The following CACNA1C variants were observed in gnomAD, a reference collection of about 807,000 sequenced individuals.
CACNA1C encodes the protein calcium voltage-gated channel subunit alpha1 C, also known as voltage-dependent L-type calcium channel subunit alpha-1C.
Under a neutral mutation model 229.0 loss-of-function variants are expected in CACNA1C, and 30 were observed. The observed-to-expected ratio is 0.13, with a 90% CI of 0.10 to 0.18. The LOEUF is 0.18. Among genes scored for constraint, CACNA1C ranks in the 10% least tolerant of loss-of-function variants. The pLI is 1.00. For synonymous variants in CACNA1C, 1,114 were observed against 1,132.5 expected, an observed-to-expected ratio of 0.98 and a Z score of 0.33; for missense variants, 1,658 against 2,845.0, an observed-to-expected ratio of 0.58 and a Z score of 9.49.
intron 8 of CACNA1C, among the ~76,000 whole-genome samples, chr12:2,507,971 C>T (rs1267093855): frequency 6.6e-6 from 1 of 152,226 alleles, no homozygotes; most frequent in African/African-American, 2.4e-5. Context: ...CAGGCAGGCA[C>T]AGAAGCAATC....
chr12:2,467,780 A>G lies in CACNA1C; in HGVS notation c.757+10074A>G, dbSNP rs940184164. On this transcript the variant is annotated intron_variant, in intron 5 of 46. Transcript: ENST00000399655. The surrounding 1 kb of genome is among the most constrained non-coding windows in gnomAD (Gnocchi z 4.6). Reference sequence around the variant, plus strand: ...TGACTGCTGCATCCCCAGTTAAGCAACTCTCTTCCCGGCATCCTCCCAGGT... The same window carrying G: ...TGACTGCTGCATCCCCAGTTAAGCAGCTCTCTTCCCGGCATCCTCCCAGGT... 2.0e-5 allele frequency among the ~76,000 whole-genome samples: 3 copies of G among 151,710 alleles called. No individual in the cohort carries two copies. Among genetic ancestry groups the G allele is most frequent in the Non-Finnish European group, 4.4e-5 (3 of 67,886 alleles).
rs1036881742 is a variant in CACNA1C, at chr12:2,348,079, G to C, written c.478-100897G>C. 2.6e-5 allele frequency among the ~76,000 whole-genome samples: 4 copies of C among 152,242 alleles called. No homozygotes were observed. The highest frequency in any genetic ancestry group is 9.6e-5 in the African/African-American group (4 of 41,480). ...GGAAGCTTGTCCTAGAAACTGCAGTGAGGTGACTGTGCGGCAGGCCCACTC... is the reference window on the plus strand; with the variant it reads ...GGAAGCTTGTCCTAGAAACTGCAGTCAGGTGACTGTGCGGCAGGCCCACTC... On this transcript the variant is annotated intron_variant, in intron 3 of 46. Transcript: ENST00000399655. The surrounding 1 kb of genome is among the most constrained non-coding windows in gnomAD (Gnocchi z 4.7).
At position 2,649,593 on chromosome 12, in the gene CACNA1C, G is replaced by A. The variant is rs1047683459; in HGVS notation, c.3945+1086G>A. Among the ~76,000 whole-genome samples the A allele has an allele frequency of 5.3e-5, 8 of 152,130 alleles. No individual in the cohort carries two copies. The highest frequency in any genetic ancestry group is 2.6e-4 in the Admixed American group (4 of 15,272). On this transcript the variant is annotated intron_variant, in intron 31 of 46. Transcript: ENST00000399655. The surrounding 1 kb of genome is among the most constrained non-coding windows in gnomAD (Gnocchi z 4.4). ...GCAGTGAGTTTATTCTCCTTCTCGA[G>A]CAGCATTAGGAAACTGCAGCCACAG...
At chr12:2,312,100 C>T (rs186749951) in intron 3 of CACNA1C, among the ~76,000 whole-genome samples, 2 of 152,242 alleles carry the variant, frequency 1.3e-5, no homozygotes, top group East Asian at 3.9e-4. Flanking sequence ...TATTTCAGGG[C>T]ATTTATGTAA....
At chr12:2,480,702 C>T (rs957269421) in intron 5 of CACNA1C, among the ~76,000 whole-genome samples, 1 of 152,222 alleles carries the variant, frequency 6.6e-6, no homozygotes, top group African/African-American at 2.4e-5. Flanking sequence ...ACCCAAACTT[C>T]TCTTTTCCTA....
intron 32 of CACNA1C, among the ~76,000 whole-genome samples, chr12:2,652,415 G>A (rs1036538972): frequency 1.3e-5 from 2 of 152,170 alleles, no homozygotes; most frequent in Non-Finnish European, 2.9e-5. Flanking sequence ...AAGTTAAGGA[G>A]AAGCAAAGCG....
chr12:2,115,630 T>C, intron 2 of CACNA1C, 85 bp downstream of exon 2: 1 of 1,341,034 alleles, frequency 7.5e-7, no homozygotes, highest in Non-Finnish European at 1.1e-6. Flanking sequence ...CCACGAGCTG[T>C]GTCAGCTGTG....
At chr12:2,197,927 CT>C (rs2097458996) in intron 3 of CACNA1C, among the ~76,000 whole-genome samples, 1 of 152,184 alleles carries the variant, frequency 6.6e-6, no homozygotes, top group African/African-American at 2.4e-5. Context: ...CCAAACGAAG[CT>C]GTGGTTTCAT....
chr12:2,403,727 A>G lies in CACNA1C; in HGVS notation c.478-45249A>G, dbSNP rs1045726728. Among the ~76,000 whole-genome samples the G allele has an allele frequency of 3.3e-5, 5 of 151,914 alleles. No individual in the cohort carries two copies. Among genetic ancestry groups the G allele is most frequent in the African/African-American group, 7.3e-5 (3 of 41,344 alleles). ...CCATCTCTCCAGTCCAGCCCCCACC[A>G]TCTCCCAGTGAGCCCCAGGTAGACG... On this transcript the variant is annotated intron_variant, in intron 3 of 46. Coordinates refer to ENST00000399655, the MANE Select transcript of CACNA1C (RefSeq NM_000719.7). This position sits in a 1 kb window ranked among gnomAD's most constrained non-coding sequence, Gnocchi z 4.1.
rs2153655220 is a variant in CACNA1C at position 2,651,680 on chromosome 12, G to A, written c.3986G>A (p.Arg1329His). ...TCCCGCATCTCCATCACCTTCTTCCGCCTGTTCCGGGTCATGCGTCTGGTG... is the reference window on the plus strand; with the variant it reads ...TCCCGCATCTCCATCACCTTCTTCCACCTGTTCCGGGTCATGCGTCTGGTG... ...ENSRISITFF[R>H]LFRVMRLVKL... The change falls in exon 32 of 47, where the codon CGC (arginine) becomes CAC (histidine). Residue 1329 changes from arginine (R) to histidine (H), a missense_variant. Coordinates refer to ENST00000399655, the MANE Select transcript of CACNA1C (RefSeq NM_000719.7). This position sits in a 1 kb window ranked among gnomAD's most constrained non-coding sequence, Gnocchi z 5.4. 4 of 1,613,888 alleles carry A rather than the reference G, an allele frequency of 2.5e-6. No homozygotes were observed. The highest frequency in any genetic ancestry group is 1.1e-5 in the South Asian group (1 of 91,062).
chr12:2,627,946 T>C (rs903129833), intron 29 of CACNA1C, among the ~76,000 whole-genome samples: 2 of 152,156 alleles, frequency 1.3e-5, no homozygotes, highest in Admixed American at 6.5e-5. Context: ...GCTGGCTGCC[T>C]CCCCTGTGTT....
intron 3 of CACNA1C, among the ~76,000 whole-genome samples, chr12:2,305,374 A>G (rs1177676765): frequency 6.6e-6 from 1 of 152,246 alleles, no homozygotes; most frequent in Non-Finnish European, 1.5e-5. Context: ...GGTGGAGCCC[A>G]GGTCCCCTGG....
intron 3 of CACNA1C, among the ~76,000 whole-genome samples, chr12:2,445,794 C>T (rs1489288065): frequency 6.6e-6 from 1 of 152,150 alleles, no homozygotes; most frequent in African/African-American, 2.4e-5. Context: ...GGGGTGCCAG[C>T]TGCTTATAGG....
intron 28 of CACNA1C, 50 bp downstream of exon 28, chr12:2,610,749 A>G (rs2077253280): frequency 3.1e-6 from 5 of 1,596,530 alleles, no homozygotes; most frequent in Middle Eastern, 1.7e-4. Flanking sequence ...GGAGTGTGCC[A>G]TGGGGATGGA....
chr12:2,474,847 A>G (rs1399126063), intron 5 of CACNA1C, among the ~76,000 whole-genome samples: 1 of 152,168 alleles, frequency 6.6e-6, no homozygotes, highest in African/African-American at 2.4e-5. Flanking sequence ...GATTCAGATC[A>G]ACTGTCCTGC....
At chr12:2,129,441 G>A (rs2091502810) in intron 3 of CACNA1C, among the ~76,000 whole-genome samples, 1 of 152,188 alleles carries the variant, frequency 6.6e-6, no homozygotes, top group African/African-American at 2.4e-5. Flanking sequence ...ATGATTTGAA[G>A]TCTAAATATG....
At chr12:2,667,696 C>T (rs540699841) in intron 37 of CACNA1C, among the ~76,000 whole-genome samples, 8 of 152,274 alleles carry the variant, frequency 5.3e-5, no homozygotes, top group South Asian at 4.1e-4. Flanking sequence ...TTGTGGCCTC[C>T]GGACGGGCCT....
intron 7 of CACNA1C, among the ~76,000 whole-genome samples, chr12:2,496,464 A>C (rs1262682146): frequency 6.6e-6 from 1 of 152,244 alleles, no homozygotes. Flanking sequence ...AAGTCACTAA[A>C]GCATCAAAGA....
chr12:2,436,425 C>T (rs1369699562), intron 3 of CACNA1C, among the ~76,000 whole-genome samples: 2 of 152,206 alleles, frequency 1.3e-5, no homozygotes, highest in Admixed American at 6.5e-5. Context: ...TACTGCCTCC[C>T]TCCCACAGCC....
Sources: gnomAD v4.1 joint callset for allele counts (sites outside exome capture counted in the v4.1 genomes callset) on GRCh38, gnomAD v4.1.1 for gene constraint, Gnocchi (gnomAD v3.1) non-coding constraint, MANE v1.5 for transcripts, NCBI Gene and HGNC (gene_info 2026-07-23, HGNC 2026-07-21) for gene names.